The following FHIT variants were observed in gnomAD, a reference collection of about 807,000 sequenced individuals.
FHIT encodes fragile histidine triad diadenosine triphosphatase, also known as bis(5'-adenosyl)-triphosphatase.
A neutral mutation model predicts 17.9 loss-of-function variants in FHIT; 19 were observed. That is an observed-to-expected ratio of 1.06 (90% confidence interval 0.74 to 1.56). The LOEUF (loss-of-function observed/expected upper bound fraction) is 1.56, where lower values mean the gene tolerates loss of function less well. Ranked by LOEUF, FHIT falls within the 40% of genes most tolerant of loss-of-function variation. FHIT has a pLI of 0.00. For synonymous variants in FHIT, 81 were observed against 69.7 expected (o/e 1.16, Z -0.81); for missense variants, 248 against 189.2 (o/e 1.31, Z -1.82).
At chr3:60,100,290 A>G (rs1307186569) in intron 5 of FHIT, among the ~76,000 whole-genome samples, 1 of 152,096 alleles carries the variant, frequency 6.6e-6, no homozygotes, top group Non-Finnish European at 1.5e-5. Context: ...AGGCTGAGAC[A>G]AGAGAATCGC....
intron 5 of FHIT, among the ~76,000 whole-genome samples, chr3:60,354,475 A>G (rs766625937): frequency 5.9e-5 from 9 of 152,120 alleles, no homozygotes; most frequent in Non-Finnish European, 1.0e-4. Context: ...AAAAGCCCCA[A>G]GCCAACCCAG....
chr3:61,023,080 A>G (rs1457129959), intron 3 of FHIT, among the ~76,000 whole-genome samples: 3 of 152,238 alleles, frequency 2.0e-5, no homozygotes, highest in Non-Finnish European at 4.4e-5. Context: ...AAATGAGTGC[A>G]TATCTAGAAA....
chr3:60,517,473 C>G (rs558736956), intron 5 of FHIT, among the ~76,000 whole-genome samples: 12 of 152,236 alleles, frequency 7.9e-5, no homozygotes, highest in African/African-American at 2.9e-4. Context: ...ACCCACCTCC[C>G]TAAAACTACA....
At chr3:61,000,710 C>T (rs2031016081) in intron 3 of FHIT, among the ~76,000 whole-genome samples, 1 of 152,142 alleles carries the variant, frequency 6.6e-6, no homozygotes, top group Non-Finnish European at 1.5e-5. Context: ...GTGGGGTTTC[C>T]TTTTTATTTC....
intron 8 of FHIT, among the ~76,000 whole-genome samples, chr3:59,806,088 G>A (rs1700183856): frequency 6.6e-6 from 1 of 151,932 alleles, no homozygotes; most frequent in African/African-American, 2.4e-5. Context: ...GGCTGAGGCA[G>A]GAGAATGGCG....
intron 5 of FHIT, among the ~76,000 whole-genome samples, chr3:60,282,863 A>C (rs1707527041): frequency 6.6e-6 from 1 of 152,148 alleles, no homozygotes; most frequent in African/African-American, 2.4e-5. Flanking sequence ...TATTTCAAAC[A>C]AGTAGGAAGA....
chr3:61,096,859 C>A (rs1340055760), intron 2 of FHIT, among the ~76,000 whole-genome samples: 1 of 152,056 alleles, frequency 6.6e-6, no homozygotes, highest in Non-Finnish European at 1.5e-5. Flanking sequence ...ACCTGTAATC[C>A]CAGCACTTTG....
intron 4 of FHIT, among the ~76,000 whole-genome samples, chr3:60,742,518 T>C (rs1559686501): frequency 6.6e-6 from 1 of 152,208 alleles, no homozygotes; most frequent in Non-Finnish European, 1.5e-5. Context: ...GCTACCCCAC[T>C]TTGTAAAATT....
chr3:60,979,222 T>C (rs1220874815), intron 3 of FHIT, among the ~76,000 whole-genome samples: 1 of 152,162 alleles, frequency 6.6e-6, no homozygotes, highest in South Asian at 2.1e-4. Flanking sequence ...CAATCTGAAA[T>C]TGGGCTCCCT....
chr3:60,103,560 G>A (rs9871368), intron 5 of FHIT, among the ~76,000 whole-genome samples: 101,998 of 152,016 alleles, frequency 0.67, 34,281 homozygotes, highest in South Asian at 0.74. Flanking sequence ...CAAGTAGAAG[G>A]TAAGGATTAT....
intron 2 of FHIT, among the ~76,000 whole-genome samples, chr3:61,070,090 C>T (rs2106735588): frequency 6.6e-6 from 1 of 152,192 alleles, no homozygotes; most frequent in Non-Finnish European, 1.5e-5. Context: ...GACGGGGTTT[C>T]ACCATGTTGG....
At chr3:59,990,425 T>C (rs1709174679) in intron 7 of FHIT, among the ~76,000 whole-genome samples, 1 of 152,032 alleles carries the variant, frequency 6.6e-6, no homozygotes, top group Non-Finnish European at 1.5e-5. Context: ...ATCTTAAAAA[T>C]ACATTTAGAG....
At chr3:60,359,601 G>A (rs146613586) in intron 5 of FHIT, among the ~76,000 whole-genome samples, 59 of 152,154 alleles carry the variant, frequency 3.9e-4, no homozygotes, top group African/African-American at 1.3e-3. Flanking sequence ...TATCTTTTTC[G>A]AATTCTGTGA....
intron 3 of FHIT, among the ~76,000 whole-genome samples, chr3:60,831,984 A>T (rs1401616446): frequency 6.6e-6 from 1 of 152,114 alleles, no homozygotes; most frequent in Non-Finnish European, 1.5e-5. Flanking sequence ...TTCTTCTCTA[A>T]GCCTCAGAAT....
chr3:61,250,512 A>G (rs1447453525), intron 1 of FHIT, among the ~76,000 whole-genome samples: 1 of 152,178 alleles, frequency 6.6e-6, no homozygotes, highest in Non-Finnish European at 1.5e-5. Context: ...TGGCCACTTG[A>G]CCTGGGAGCA....
chr3:59,830,358 A>G (rs1701123197), intron 8 of FHIT, among the ~76,000 whole-genome samples: 2 of 152,338 alleles, frequency 1.3e-5, no homozygotes, highest in Middle Eastern at 3.4e-3. Flanking sequence ...TTGGGATAAA[A>G]GCCAGGAATA....
chr3:61,103,328 G>GAGCT (rs1434009233), intron 2 of FHIT, among the ~76,000 whole-genome samples: 1 of 152,128 alleles, frequency 6.6e-6, no homozygotes, highest in Non-Finnish European at 1.5e-5. Context: ...AGTCATTCAG[G>GAGCT]AGCTGGTTGT....
At chr3:60,742,747 A>T (rs2108012266) in intron 4 of FHIT, among the ~76,000 whole-genome samples, 1 of 152,320 alleles carries the variant, frequency 6.6e-6, no homozygotes, top group Admixed American at 6.5e-5. Flanking sequence ...ACCTCAGCTC[A>T]GACTGCCCCT....
At chr3:60,312,939 T>C (rs1709010282) in intron 5 of FHIT, among the ~76,000 whole-genome samples, 1 of 152,226 alleles carries the variant, frequency 6.6e-6, no homozygotes, top group Admixed American at 6.5e-5. Context: ...TGGTATTTAC[T>C]GGTGTTCACA....
Sources: allele counts gnomAD v4.1 joint callset (sites outside exome capture counted in the v4.1 genomes callset), GRCh38; gene constraint gnomAD v4.1.1; transcripts MANE v1.5; gene names NCBI Gene and HGNC (gene_info 2026-07-23, HGNC 2026-07-21).